PLCH1: variants seen among roughly 807,000 people sequenced by gnomAD.
PLCH1 encodes the protein 1-phosphatidylinositol 4,5-bisphosphate phosphodiesterase eta-1.
PLCH1 carries 60 observed loss-of-function variants against 126.7 expected under a neutral mutation model. The observed-to-expected ratio is 0.47, with a 90% CI of 0.38 to 0.59. The LOEUF (loss-of-function observed/expected upper bound fraction) is 0.59. PLCH1 is among the 20% of genes least tolerant of loss of function. The probability of loss-of-function intolerance (pLI) is 0.00; values close to 1 mark genes in which losing one functional copy is unlikely to be tolerated. For synonymous variants in PLCH1, 719 were observed against 734.9 expected (o/e 0.98, Z 0.35); for missense variants, 1,723 against 2,040.0 (o/e 0.84, Z 2.99).
chr3:155,496,521 G>A (rs1332023730), intron 15 of PLCH1, among the ~76,000 whole-genome samples: 2 of 152,166 alleles, frequency 1.3e-5, no homozygotes, highest in Non-Finnish European at 2.9e-5. Flanking sequence ...TGGGGGCTGG[G>A]CAGGGGGAGA....
chr3:155,734,882 T>G (rs543714550), intron 1 of PLCH1, among the ~76,000 whole-genome samples: 66 of 152,214 alleles, frequency 4.3e-4, no homozygotes, highest in African/African-American at 1.3e-3. Context: ...CTAATTTTTT[T>G]GTATTTTTAG....
chr3:155,594,907 G>A (rs1041120943), intron 3 of PLCH1, among the ~76,000 whole-genome samples: 9 of 152,214 alleles, frequency 5.9e-5, no homozygotes, highest in Admixed American at 1.3e-4. Flanking sequence ...TAAGAAGATC[G>A]TTAGAAAACT....
intron 1 of PLCH1, chr3:155,743,335 C>G (rs1315545057): frequency 4.9e-6 from 2 of 408,370 alleles, no homozygotes; most frequent in East Asian, 7.3e-5. Flanking sequence ...AGTTCCAGAC[C>G]AGCCTGGCCA....
intron 4 of PLCH1, among the ~76,000 whole-genome samples, chr3:155,586,717 C>CG (rs1046658761): frequency 6.6e-6 from 1 of 151,756 alleles, no homozygotes; most frequent in African/African-American, 2.4e-5. Context: ...AAAAAAGGGG[C>CG]GGGGGGTGGT....
chr3:155,616,729 C>G (rs1322805668), intron 2 of PLCH1, among the ~76,000 whole-genome samples: 1 of 151,972 alleles, frequency 6.6e-6, no homozygotes, highest in Non-Finnish European at 1.5e-5. Context: ...TTTATTGGGT[C>G]TTGTTATTTG....
chr3:155,531,511 G>C (rs545255), intron 10 of PLCH1, among the ~76,000 whole-genome samples: 123,211 of 151,826 alleles, frequency 0.81, 51,816 homozygotes, highest in Middle Eastern at 0.95. Context: ...TGTAATCCCA[G>C]CTACTTGGGA....
chr3:155,707,118 G>T (rs1301148073), intron 1 of PLCH1, among the ~76,000 whole-genome samples: 1 of 152,104 alleles, frequency 6.6e-6, no homozygotes, highest in Non-Finnish European at 1.5e-5. Flanking sequence ...TCAGCAGTCT[G>T]CAATCCAGGA....
intron 7 of PLCH1, among the ~76,000 whole-genome samples, chr3:155,566,248 TAC>T (rs1728445217): frequency 2.1e-5 from 2 of 96,608 alleles, no homozygotes; most frequent in African/African-American, 3.6e-5. Flanking sequence ...TACATATATA[TAC>T]GTATATATAC....
rs376289829 is a variant in PLCH1 at position 155,464,970 on chromosome 3, G to A, written c.2938+20386C>T. Among the ~76,000 whole-genome samples, 104 of 152,166 alleles carry A rather than the reference G, an allele frequency of 6.8e-4. 1 individual carries two copies. The highest frequency in any genetic ancestry group is 2.2e-3 in the African/African-American group (92 of 41,516). On this transcript the variant is annotated intron_variant, in intron 21 of 21. Transcript: ENST00000494598. ...CTAAAAATACAAAAATTAGCTAGGC[G>A]TGGCAGCGTGTGCCTGTAGTCCCAG...
In PLCH1 at chr3:155,610,739, A is replaced by G. The variant is rs537178665; in HGVS notation, c.80-14361T>C. 1.1e-3 allele frequency among the ~76,000 whole-genome samples: 175 copies of G among 152,264 alleles called. 2 individuals carry two copies. The highest frequency in any genetic ancestry group is 3.8e-3 in the African/African-American group (159 of 41,538). On this transcript the variant is annotated intron_variant, in intron 2 of 22. Transcript: ENST00000460012. ...CTAAAACTTGAAACAAAACCTCAAA[A>G]TACACCAAAACAGAAGCTCCTTAAA...
chr3:155,687,230 A>T (rs1343243617), intron 2 of PLCH1, among the ~76,000 whole-genome samples: 1 of 152,204 alleles, frequency 6.6e-6, no homozygotes, highest in Non-Finnish European at 1.5e-5. Flanking sequence ...TAGTATTAAA[A>T]TAAAAACATC....
chr3:155,744,180 C>T (rs1482054776), intron 1 of PLCH1, among the ~76,000 whole-genome samples: 1 of 152,170 alleles, frequency 6.6e-6, no homozygotes, highest in Non-Finnish European at 1.5e-5. Flanking sequence ...GGGGTGGCGT[C>T]TCGGACCCGC....
intron 1 of PLCH1, among the ~76,000 whole-genome samples, chr3:155,741,684 CTTTTT>C (rs71624571): frequency 1.9e-4 from 20 of 102,858 alleles, no homozygotes; most frequent in African/African-American, 8.6e-4. Flanking sequence ...TTTATATCCT[CTTTTT>C]TTTTTTTTTT....
At chr3:155,608,603 C>T (rs752678597) in intron 2 of PLCH1, among the ~76,000 whole-genome samples, 3 of 152,132 alleles carry the variant, frequency 2.0e-5, no homozygotes, top group African/African-American at 7.2e-5. Flanking sequence ...AGCTTTCCCC[C>T]ACTTCTCTGG....
chr3:155,513,303 C>A (rs541020612), intron 12 of PLCH1, among the ~76,000 whole-genome samples: 1 of 152,206 alleles, frequency 6.6e-6, no homozygotes, highest in Non-Finnish European at 1.5e-5. Flanking sequence ...AGTTTTGCTA[C>A]ACTACCTCTC....
chr3:155,741,740 G>A (rs1364947991), intron 1 of PLCH1, among the ~76,000 whole-genome samples: 1 of 112,546 alleles, frequency 8.9e-6, no homozygotes, highest in Admixed American at 1.2e-4. Context: ...CTTCAGGCAT[G>A]CAGACCAACA....
intron 11 of PLCH1, among the ~76,000 whole-genome samples, chr3:155,519,685 C>T (rs756750743): frequency 6.1e-5 from 9 of 146,662 alleles, no homozygotes; most frequent in African/African-American, 7.6e-5. Flanking sequence ...CCAGACACTG[C>T]GGTTTTTGAA....
intron 8 of PLCH1, among the ~76,000 whole-genome samples, chr3:155,559,616 A>C (rs1727307245): frequency 6.6e-6 from 1 of 152,176 alleles, no homozygotes; most frequent in Admixed American, 6.5e-5. Context: ...AATACTAGGG[A>C]AAGAATTTAC....
intron 10 of PLCH1, among the ~76,000 whole-genome samples, chr3:155,546,951 G>A (rs970604496): frequency 1.4e-5 from 2 of 139,632 alleles, no homozygotes; most frequent in Admixed American, 1.5e-4. Context: ...AGAAAACCTA[G>A]GCATTACCAT....
Sources: gnomAD v4.1 joint callset for allele counts (sites outside exome capture counted in the v4.1 genomes callset) on GRCh38, gnomAD v4.1.1 for gene constraint, MANE v1.5 for transcripts, NCBI Gene and HGNC (gene_info 2026-07-23, HGNC 2026-07-21) for gene names.